The following GPR89A variants were observed in gnomAD, a reference collection of about 807,000 sequenced individuals.
GPR89A encodes the protein G protein-coupled receptor 89A.
GPR89A carries 16 observed loss-of-function variants against 52.0 expected under a neutral mutation model. That is an observed-to-expected ratio of 0.31 (90% CI 0.21 to 0.47). The LOEUF (loss-of-function observed/expected upper bound fraction) is 0.47. GPR89A is among the 20% of genes least tolerant of loss of function. The probability of loss-of-function intolerance (pLI) is 1.00; values close to 1 mark genes in which losing one functional copy is unlikely to be tolerated. For synonymous variants in GPR89A, 55 were observed against 150.9 expected (o/e 0.36, Z 4.66); for missense variants, 135 against 449.4 (o/e 0.30, Z 6.33).
At chr1:145,640,087 C>T (rs1238441183) in intron 7 of GPR89A, among the ~76,000 whole-genome samples, 7 of 151,484 alleles carry the variant, frequency 4.6e-5, no homozygotes, top group South Asian at 2.1e-4. Flanking sequence ...GGTGTGGTGG[C>T]GGGCACCTGT....
At chr1:145,634,653 A>G (rs2101779458) in intron 7 of GPR89A, among the ~76,000 whole-genome samples, 2 of 150,624 alleles carry the variant, frequency 1.3e-5, no homozygotes, top group East Asian at 3.9e-4. Context: ...GTGACCTTGA[A>G]CTAGTTACTT....
At chr1:145,615,780 C>A (rs1475061885) in intron 1 of GPR89A, among the ~76,000 whole-genome samples, 1 of 151,482 alleles carries the variant, frequency 6.6e-6, no homozygotes, top group Non-Finnish European at 1.5e-5. Flanking sequence ...TGCCCACACC[C>A]AGCTAATTTT....
intron 12 of GPR89A, among the ~76,000 whole-genome samples, chr1:145,668,890 T>C (rs1417990649): frequency 6.6e-6 from 1 of 152,216 alleles, no homozygotes; most frequent in Admixed American, 6.5e-5. Context: ...TTGCATATGT[T>C]GAACCAGCCT....
At chr1:145,655,170 G>C (rs1553694301) in intron 10 of GPR89A, among the ~76,000 whole-genome samples, 1 of 151,152 alleles carries the variant, frequency 6.6e-6, no homozygotes, top group African/African-American at 2.4e-5. Context: ...TTTTTAAACG[G>C]GTTATTCTGG....
intron 1 of GPR89A, among the ~76,000 whole-genome samples, chr1:145,614,132 A>G (rs1648497632): frequency 2.0e-5 from 3 of 152,084 alleles, no homozygotes; most frequent in Admixed American, 2.0e-4. Flanking sequence ...GGGGTGGTGG[A>G]AACCTTTGAC....
At chr1:145,647,879 C>CTATATATA (rs782172827) in intron 10 of GPR89A, among the ~76,000 whole-genome samples, 17 of 24,660 alleles carry the variant, frequency 6.9e-4, no homozygotes, top group African/African-American at 1.9e-3. Flanking sequence ...CTCTCTCTCT[C>CTATATATA]TATATATATA....
At chr1:145,663,267 C>G in intron 10 of GPR89A, 62 bp from the exon 11 acceptor site, 1 of 1,608,110 alleles carries the variant, frequency 6.2e-7, no homozygotes, top group Non-Finnish European at 8.5e-7. Context: ...TAGTTTCAGT[C>G]ACTTTTTGAA....
intron 1 of GPR89A, among the ~76,000 whole-genome samples, chr1:145,611,248 T>C (rs1201095787): frequency 6.6e-6 from 1 of 151,652 alleles, no homozygotes; most frequent in Non-Finnish European, 1.5e-5. Flanking sequence ...GCCGGGTATA[T>C]TGTGGGAGCT....
intron 7 of GPR89A, among the ~76,000 whole-genome samples, chr1:145,640,271 A>AG (rs1335742831): frequency 1.3e-3 from 2 of 1,568 alleles, no homozygotes; most frequent in Admixed American, 7.5e-3. Context: ...TAAAACTTTC[A>AG]GAAAAAAAAA....
At chr1:145,619,066 A>C (rs1354149080) in intron 3 of GPR89A, among the ~76,000 whole-genome samples, 1 of 152,162 alleles carries the variant, frequency 6.6e-6, no homozygotes, top group Non-Finnish European at 1.5e-5. Context: ...CAACTATGCT[A>C]TGCAGACTTT....
At chr1:145,611,595 T>TA (rs1553686147) in intron 1 of GPR89A, 1 of 151,832 alleles carries the variant, frequency 6.6e-6, no homozygotes, top group Non-Finnish European at 1.5e-5. Context: ...TAAAGGTATA[T>TA]ATCTGTTTCT....
intron 5 of GPR89A, among the ~76,000 whole-genome samples, chr1:145,629,975 T>A (rs1649784497): frequency 6.6e-6 from 1 of 152,214 alleles, no homozygotes; most frequent in Non-Finnish European, 1.5e-5. Context: ...TTAAAACCAT[T>A]CTTTTTCTGC....
At chr1:145,616,866 A>C (rs1168628610) in intron 2 of GPR89A, among the ~76,000 whole-genome samples, 3 of 152,200 alleles carry the variant, frequency 2.0e-5, no homozygotes, top group Non-Finnish European at 4.4e-5. Flanking sequence ...TAGGGATTTC[A>C]AAAGGGGAGG....
chr1:145,622,150 A>G (rs1649186024), intron 3 of GPR89A, among the ~76,000 whole-genome samples: 1 of 152,146 alleles, frequency 6.6e-6, no homozygotes, highest in African/African-American at 2.4e-5. Context: ...TCTATTTATA[A>G]TAGCTAAAAA....
intron 10 of GPR89A, among the ~76,000 whole-genome samples, chr1:145,662,849 T>A (rs185754606): frequency 0.49 from 1,352 of 2,748 alleles, 13 homozygotes; most frequent in Middle Eastern, 0.5. Flanking sequence ...TTTCTCCCTT[T>A]TTCCTTTTTT....
intron 10 of GPR89A, among the ~76,000 whole-genome samples, chr1:145,659,330 G>T (rs71263085): frequency 1.3e-5 from 2 of 151,672 alleles, no homozygotes; most frequent in Non-Finnish European, 2.9e-5. Context: ...GGTTACAGGC[G>T]CATGCAACCA....
intron 10 of GPR89A, among the ~76,000 whole-genome samples, chr1:145,648,818 T>TTTTGAAGACGGAG: frequency 1.0e-5 from 1 of 95,516 alleles, no homozygotes; most frequent in Non-Finnish European, 1.9e-5. Context: ...TTTTTTTTTG[T>TTTTGAAGACGGAG]TGAAGACGGA....
At chr1:145,655,007 T>G (rs1651715597) in intron 10 of GPR89A, among the ~76,000 whole-genome samples, 1 of 149,784 alleles carries the variant, frequency 6.7e-6, no homozygotes, top group Non-Finnish European at 1.5e-5. Flanking sequence ...TCATTCTTTT[T>G]TCTCTCACCT....
intron 7 of GPR89A, among the ~76,000 whole-genome samples, chr1:145,640,910 T>G (rs1239762903): frequency 6.6e-6 from 1 of 150,610 alleles, no homozygotes; most frequent in Admixed American, 6.6e-5. Context: ...CATGAAAAGG[T>G]GTTCAACATT....
Sources: gnomAD v4.1 joint callset for allele counts (sites outside exome capture counted in the v4.1 genomes callset) on GRCh38, gnomAD v4.1.1 for gene constraint, MANE v1.5 for transcripts, NCBI Gene and HGNC (gene_info 2026-07-23, HGNC 2026-07-21) for gene names.